NGF: variants seen among roughly 807,000 people sequenced by gnomAD.
NGF encodes the protein nerve growth factor, also known as beta-nerve growth factor.
In NGF, 4 loss-of-function variants were observed where a neutral mutation model predicts 12.8. That is an observed-to-expected ratio of 0.31 (90% CI 0.15 to 0.72). NGF has a LOEUF of 0.72. Among genes scored for constraint, NGF ranks in the 30% least tolerant of loss-of-function variants. The probability of loss-of-function intolerance (pLI) is 0.69; values close to 1 mark genes in which losing one functional copy is unlikely to be tolerated. For synonymous variants in NGF, 140 were observed against 130.0 expected (o/e 1.08, Z -0.52); for missense variants, 283 against 330.8 (o/e 0.86, Z 1.12).
chr1:115,328,782 T>A (rs1654837046), intron 1 of NGF, among the ~76,000 whole-genome samples: 1 of 152,142 alleles, frequency 6.6e-6, no homozygotes, highest in South Asian at 2.1e-4. Context: ...CCAATGTCAG[T>A]GCCCAGTGAC....
intron 1 of NGF, among the ~76,000 whole-genome samples, chr1:115,298,661 T>C (rs2101030600): frequency 1.3e-5 from 2 of 152,244 alleles, no homozygotes; most frequent in East Asian, 3.9e-4. Flanking sequence ...GGAGGACTGG[T>C]CCCAGAGGTC....
intron 1 of NGF, among the ~76,000 whole-genome samples, chr1:115,337,617 C>T (rs1271682191): frequency 6.6e-6 from 1 of 152,124 alleles, no homozygotes; most frequent in Non-Finnish European, 1.5e-5. Context: ...CTGCGTTAAC[C>T]CCCGGGGCCC....
chr1:115,335,405 G>A (rs997581159), intron 1 of NGF, among the ~76,000 whole-genome samples: 1 of 152,192 alleles, frequency 6.6e-6, no homozygotes, highest in Non-Finnish European at 1.5e-5. Context: ...CAATGCCAGT[G>A]TACACTGTTT....
chr1:115,323,213 G>A (rs1028443829), intron 1 of NGF, among the ~76,000 whole-genome samples: 2 of 152,266 alleles, frequency 1.3e-5, no homozygotes, highest in Admixed American at 1.3e-4. Context: ...CTTGACAGCT[G>A]CTTAGAATCT....
At chr1:115,319,235 G>A (rs754091709) in intron 1 of NGF, among the ~76,000 whole-genome samples, 21 of 152,112 alleles carry the variant, frequency 1.4e-4, no homozygotes, top group Non-Finnish European at 2.6e-4. Flanking sequence ...AACCAGACCC[G>A]GTGACTGGCC....
chr1:115,326,513 C>T (rs536142309), intron 1 of NGF, among the ~76,000 whole-genome samples: 32 of 152,280 alleles, frequency 2.1e-4, no homozygotes, highest in Non-Finnish European at 3.4e-4. Flanking sequence ...ACTTTAAGCA[C>T]GACTCCTGGG....
At chr1:115,320,745 G>C (rs986398300) in intron 1 of NGF, among the ~76,000 whole-genome samples, 4 of 152,200 alleles carry the variant, frequency 2.6e-5, no homozygotes, top group Admixed American at 2.6e-4. Context: ...CACAGCTAAG[G>C]GGGTGACCAC....
intron 2 of NGF, among the ~76,000 whole-genome samples, chr1:115,287,274 G>C (rs1042715583): frequency 2.6e-5 from 4 of 152,158 alleles, no homozygotes; most frequent in African/African-American, 4.8e-5. Context: ...GGAAGGCACG[G>C]GGAAGATCTG....
chr1:115,300,888 T>TA (rs1042379692), intron 1 of NGF, among the ~76,000 whole-genome samples: 5 of 152,182 alleles, frequency 3.3e-5, no homozygotes, highest in African/African-American at 1.2e-4. Context: ...CAGTAACACA[T>TA]ATGACTTATG....
intron 1 of NGF, among the ~76,000 whole-genome samples, chr1:115,300,991 C>T (rs1244448632): frequency 6.6e-6 from 1 of 152,134 alleles, no homozygotes; most frequent in East Asian, 1.9e-4. Flanking sequence ...TCATCTAGCT[C>T]TTTCATTATC....
chr1:115,322,112 A>G (rs924182649), intron 1 of NGF, among the ~76,000 whole-genome samples: 1 of 152,114 alleles, frequency 6.6e-6, no homozygotes, highest in African/African-American at 2.4e-5. Flanking sequence ...AAATGAGACA[A>G]CCCTACAATT....
At chr1:115,309,582 G>A (rs538157188) in intron 1 of NGF, among the ~76,000 whole-genome samples, 57 of 152,086 alleles carry the variant, frequency 3.7e-4, no homozygotes, top group Non-Finnish European at 6.6e-4. Context: ...CCTGGCTCCT[G>A]ACTCCCTGAA....
intron 1 of NGF, among the ~76,000 whole-genome samples, chr1:115,295,136 A>G (rs1244599630): frequency 6.6e-6 from 1 of 152,120 alleles, no homozygotes; most frequent in Non-Finnish European, 1.5e-5. Context: ...AGCTTGTGCT[A>G]TGAAAGCAAA....
intron 1 of NGF, among the ~76,000 whole-genome samples, chr1:115,334,483 C>A (rs1655057517): frequency 6.6e-6 from 1 of 152,162 alleles, no homozygotes; most frequent in Admixed American, 6.5e-5. Context: ...ACTTCACTCA[C>A]AAAAGGCAAA....
At chr1:115,288,149 A>C (rs1308124288) in intron 2 of NGF, among the ~76,000 whole-genome samples, 1 of 152,150 alleles carries the variant, frequency 6.6e-6, no homozygotes, top group African/African-American at 2.4e-5. Flanking sequence ...ATCAAAAATG[A>C]TCTTTTGCCA....
intron 1 of NGF, among the ~76,000 whole-genome samples, chr1:115,321,576 ATGTGTGTGTG>A (rs59590858): frequency 0.062 from 8,248 of 133,178 alleles, 273 homozygotes; most frequent in East Asian, 0.1. Context: ...TGTGTATGGG[ATGTGTGTGTG>A]TGTGTGTGTG....
At chr1:115,287,966 T>G (rs568742519) in intron 2 of NGF, among the ~76,000 whole-genome samples, 3 of 152,314 alleles carry the variant, frequency 2.0e-5, no homozygotes, top group African/African-American at 7.2e-5. Context: ...TCAGCTCCTC[T>G]GTAAAGCTTC....
intron 1 of NGF, among the ~76,000 whole-genome samples, chr1:115,309,111 T>C (rs1654277951): frequency 6.6e-6 from 1 of 152,170 alleles, no homozygotes; most frequent in South Asian, 2.1e-4. Flanking sequence ...CTGGGATACC[T>C]GAAGCAATAA....
chr1:115,303,628 C>T lies in NGF; in HGVS notation c.-136-9878G>A, dbSNP rs573008756. On this transcript the variant is annotated intron_variant, in intron 1 of 2. Transcript: ENST00000369512. ...CCACCACCAGCATTACCACTTCCAA[C>T]ATATTGCCATGATTACCATCCCCAC... Among the ~76,000 whole-genome samples, 3 of 152,256 alleles carry T rather than the reference C, an allele frequency of 2.0e-5. No individual in the cohort carries two copies. In the South Asian group the frequency reaches 6.2e-4, roughly 32 times the overall value.
Sources: allele counts gnomAD v4.1 joint callset (sites outside exome capture counted in the v4.1 genomes callset), GRCh38; gene constraint gnomAD v4.1.1; transcripts MANE v1.5; gene names NCBI Gene and HGNC (gene_info 2026-07-23, HGNC 2026-07-21).